The following CACNA1F variants were observed in gnomAD, a reference collection of about 807,000 sequenced individuals.
CACNA1F encodes voltage-dependent L-type calcium channel subunit alpha-1F.
In CACNA1F, 59 loss-of-function variants were observed where a neutral mutation model predicts 143.8. That is an observed-to-expected ratio of 0.41 (90% CI 0.33 to 0.51). The LOEUF is 0.51. Ranked by LOEUF, CACNA1F falls within the 20% of genes least tolerant of loss-of-function variation. CACNA1F has a pLI of 0.22. For synonymous variants in CACNA1F, 643 were observed against 649.1 expected (o/e 0.99, Z 0.14); for missense variants, 1,411 against 1,647.5 (o/e 0.86, Z 2.48).
intron 1 of CACNA1F, among the ~76,000 whole-genome samples, chrX:49,232,223 T>C (rs1359461369): frequency 2.7e-5 from 3 of 110,647 alleles, no homozygotes; most frequent in Non-Finnish European, 5.7e-5. Context: ...TAAATTTGAG[T>C]GGTGGGTTTT....
intron 6 of CACNA1F, among the ~76,000 whole-genome samples, chrX:49,229,063 G>C (rs2065852332): frequency 8.9e-6 from 1 of 112,678 alleles, no homozygotes; most frequent in Non-Finnish European, 1.9e-5. Flanking sequence ...TTGAAAATAG[G>C]GGAGGGGCAA....
At chrX:49,226,322 CTG>C (rs1557109884) in intron 11 of CACNA1F, 79 bp from the exon 12 acceptor site, 1 of 1,128,478 alleles carries the variant, frequency 8.9e-7, no homozygotes, top group African/African-American at 1.8e-5. Flanking sequence ...AGGTCAAGGA[CTG>C]AGATCGAGGC....
chrX:49,213,854 C>T lies in CACNA1F; in HGVS notation c.3757G>A (p.Gly1253Ser), dbSNP rs782186840. ...GTGACGGCAATATCCACTATGCTGC[C>T]CACCACAATAAGAGCGTCAAACGTG... Reference protein sequence around the residue: ...WNTFDALIVVGSIVDIAVTEV... With the variant: ...WNTFDALIVVSSIVDIAVTEV... Residue 1253 changes from glycine to serine, a missense_variant, in exon 31 of 48, where the codon GGC (glycine) becomes AGC (serine). Gly to Ser is a moderately conservative substitution (Grantham distance 56, BLOSUM62 0). This residue lies in a region of CACNA1F where 950 missense variants were observed against 1,128.1 expected (regional missense o/e 0.84). Coordinates refer to ENST00000323022, the MANE Select transcript of CACNA1F (RefSeq NM_001256789.3). 6 of 1,203,775 alleles carry T rather than the reference C, an allele frequency of 5.0e-6. No homozygotes were observed. The African/African-American group carries it at 5.3e-5, about 11-fold the overall frequency.
intron 9 of CACNA1F, 46 bp downstream of exon 9, chrX:49,226,924 T>C (rs781819043): frequency 8.3e-7 from 1 of 1,207,580 alleles, no homozygotes; most frequent in Non-Finnish European, 1.1e-6. Flanking sequence ...TGGGCCAGAT[T>C]GGAGTTGCCT....
Position 49,212,970 on chromosome X carries a change from C to A in CACNA1F, c.3813+4G>T, listed in dbSNP as rs782197383. On this transcript the variant is annotated splice_donor_region_variant and intron_variant, in intron 32 of 47. Transcript: ENST00000323022. ...AGAGAGTCCCTGTTATTAGGGTGGG[C>A]TACCTCGCCAAGGTGGCCACCATTC... The A allele has an allele frequency of 8.3e-7, 1 of 1,203,944 alleles. No individual in the cohort carries two copies. Among genetic ancestry groups the A allele is most frequent in the Non-Finnish European group, 1.1e-6 (1 of 890,593 alleles).
intron 14 of CACNA1F, 68 bp downstream of exon 14, chrX:49,224,693 T>C (rs2065806087): frequency 1.5e-5 from 10 of 675,392 alleles, no homozygotes; most frequent in Admixed American, 1.3e-4. Context: ...GAAGTTATCA[T>C]TGGAGCTTGG....
intron 28 of CACNA1F, 44 bp from the exon 29 acceptor site, chrX:49,215,288 G>A: frequency 8.3e-7 from 1 of 1,207,744 alleles, no homozygotes; most frequent in Non-Finnish European, 1.1e-6. Flanking sequence ...GGGTCCTGAG[G>A]CAAGGAGGGA....
chrX:49,232,063 T>A, intron 1 of CACNA1F, 136 bp from the exon 2 acceptor site: 1 of 608,678 alleles, frequency 1.6e-6, no homozygotes, highest in Non-Finnish European at 2.5e-6. Flanking sequence ...GTAGCTGGGT[T>A]AAGGACTGGG....
At position 49,209,622 on chromosome X, in the gene CACNA1F, C is replaced by G. The variant is rs781890250; in HGVS notation, c.4821+7G>C. ...TGCCCATCCACACTAGGCCCTGCCC[C>G]GAAGACCTGAAGGGCGGAAGAGGTG... On this transcript the variant is annotated splice_region_variant and intron_variant, in intron 41 of 47. Coordinates refer to ENST00000323022, the MANE Select transcript of CACNA1F (RefSeq NM_001256789.3). 3.3e-6 allele frequency: 4 copies of G among 1,209,829 alleles called. No individual in the cohort carries two copies. The highest frequency in any genetic ancestry group is 4.5e-6 in the Non-Finnish European group (4 of 894,880).
chrX:49,212,440 C>T, intron 33 of CACNA1F, 132 bp from the exon 34 acceptor site: 2 of 609,510 alleles, frequency 3.3e-6, no homozygotes, highest in Non-Finnish European at 5.4e-6. Context: ...GTGCCAAGGA[C>T]TGTGGTGTCT....
At chrX:49,210,227 G>T (rs917193507) in intron 39 of CACNA1F, 74 bp downstream of exon 39, 10 of 788,803 alleles carry the variant, frequency 1.3e-5, no homozygotes, top group Non-Finnish European at 2.0e-5. Context: ...AGCTAGGAGT[G>T]GGGCCCATGA....
intron 31 of CACNA1F, 68 bp downstream of exon 31, chrX:49,213,751 A>G (rs977138316): frequency 1.3e-5 from 10 of 788,092 alleles, no homozygotes; most frequent in Admixed American, 8.9e-5. Context: ...CGTGAAAGGG[A>G]ACCCCGGGAT....
intron 14 of CACNA1F, among the ~76,000 whole-genome samples, chrX:49,223,447 A>G (rs2065792821): frequency 9.3e-6 from 1 of 107,376 alleles, no homozygotes; most frequent in African/African-American, 3.4e-5. Flanking sequence ...TACTAAAAAA[A>G]AATTAGCCAG....
Position 49,226,119 on chromosome X carries a change from T to TG in CACNA1F, c.1491-51dup, listed in dbSNP as rs782048438. ...TGAGATCACCTACCTAAGCCTGCCC[T>TG]GGGGGGCTCAGGTGGGGGATCCAAA... On this transcript the variant is annotated intron_variant, in intron 12 of 47. Coordinates refer to ENST00000323022, the MANE Select transcript of CACNA1F (RefSeq NM_001256789.3). 22 of 1,159,315 alleles carry TG rather than the reference T, an allele frequency of 1.9e-5. No homozygotes were observed. In the South Asian group the frequency reaches 3.7e-4, roughly 19 times the overall value.
intron 43 of CACNA1F, 102 bp downstream of exon 43, chrX:49,208,413 C>A: frequency 1.3e-5 from 4 of 317,242 alleles, no homozygotes; most frequent in African/African-American, 2.9e-5. Flanking sequence ...GCCTCTAGGC[C>A]CTCCCTCCCA....
At chrX:49,219,540 A>G in intron 20 of CACNA1F, 90 bp from the exon 21 acceptor site, 1 of 1,174,665 alleles carries the variant, frequency 8.5e-7, no homozygotes, top group Non-Finnish European at 1.1e-6. Context: ...CTGACACAAC[A>G]CCCATGCCCC....
chrX:49,206,248 C>T (rs191130331), intron 46 of CACNA1F, among the ~76,000 whole-genome samples: 10 of 109,080 alleles, frequency 9.2e-5, no homozygotes, highest in Non-Finnish European at 1.7e-4. Context: ...CAAAAATTAG[C>T]CAGGCATGGT....
At chrX:49,208,167 C>T (rs912336923) in intron 43 of CACNA1F, among the ~76,000 whole-genome samples, 7 of 99,075 alleles carry the variant, frequency 7.1e-5, no homozygotes, top group African/African-American at 2.7e-4. Flanking sequence ...CACTGCACTC[C>T]AGCCTGGGAG....
intron 46 of CACNA1F, 91 bp downstream of exon 46, chrX:49,206,414 AAAAAAG>A (rs2147890129): frequency 1.4e-4 from 63 of 444,788 alleles, no homozygotes; most frequent in South Asian, 2.9e-4. Context: ...AAAAAAAAAA[AAAAAAG>A]GGCCTGATAT....
Sources: allele counts gnomAD v4.1 joint callset (sites outside exome capture counted in the v4.1 genomes callset), GRCh38; gene constraint gnomAD v4.1.1; regional missense constraint gnomAD v4.1.1; transcripts MANE v1.5; gene names NCBI Gene and HGNC (gene_info 2026-07-23, HGNC 2026-07-21).